The following SCAMP1 variants were observed in gnomAD, a reference collection of about 807,000 sequenced individuals.
SCAMP1 encodes secretory carrier-associated membrane protein 1.
A neutral mutation model predicts 41.8 loss-of-function variants in SCAMP1; 15 were observed. The ratio of observed to expected loss-of-function variants is 0.36; its 90% CI spans 0.24 to 0.55. SCAMP1 has a LOEUF of 0.55. Ranked by LOEUF, SCAMP1 falls within the 20% of genes least tolerant of loss-of-function variation. The probability of loss-of-function intolerance (pLI) is 0.86; values close to 1 mark genes in which losing one functional copy is unlikely to be tolerated. For missense variants in SCAMP1, 341 were observed against 412.6 expected, an observed-to-expected ratio of 0.83 and a Z score of 1.50; for synonymous variants, 135 against 136.8, an observed-to-expected ratio of 0.99 and a Z score of 0.09.
chr5:78,430,495 G>A (rs759787775), intron 6 of SCAMP1, among the ~76,000 whole-genome samples: 1 of 151,396 alleles, frequency 6.6e-6, no homozygotes, highest in Non-Finnish European at 1.5e-5. Flanking sequence ...TATATAACCA[G>A]AAAAAGAGAT....
In SCAMP1 at chr5:78,460,800, C is replaced by CTTTCTTT. The variant is rs1429793822; in HGVS notation, c.852+1438_852+1439insTTTCTTT. Among the ~76,000 whole-genome samples the CTTTCTTT allele has an allele frequency of 4.1e-3, 140 of 34,226 alleles. 11 individuals are homozygous for CTTTCTTT. Among genetic ancestry groups the CTTTCTTT allele is most frequent in the Middle Eastern group, 0.043 (2 of 46 alleles). 22.5% of individuals were successfully genotyped at this position (34,226 alleles called of 152,430 possible). A position where few individuals can be genotyped will look rare whatever the true frequency, so the allele number is the denominator to read the frequency against. Reference sequence around the variant, plus strand: ...TCCTTCCTTCCTTCCTTCCTTCCTTCCTTCCTCCCTTCCTTCCTTCCTTTC... The same window carrying CTTTCTTT: ...TCCTTCCTTCCTTCCTTCCTTCCTTCTTTCTTTCTTCCTCCCTTCCTTCCTTCCTTTC... On this transcript the variant is annotated intron_variant, in intron 8 of 8. Transcript: ENST00000621999.
At chr5:78,391,292 C>A (rs1156733677) in intron 2 of SCAMP1, among the ~76,000 whole-genome samples, 1 of 149,792 alleles carries the variant, frequency 6.7e-6, no homozygotes. Context: ...CTGACCCCCC[C>A]ACCTCCCTCC....
intron 1 of SCAMP1, among the ~76,000 whole-genome samples, chr5:78,383,443 C>T (rs1262154421): frequency 6.6e-6 from 1 of 151,996 alleles, no homozygotes; most frequent in Non-Finnish European, 1.5e-5. Context: ...TAATTAAGTC[C>T]CATCTATTAT....
intron 1 of SCAMP1, among the ~76,000 whole-genome samples, chr5:78,374,058 C>T (rs1025411476): frequency 5.9e-5 from 9 of 151,898 alleles, no homozygotes; most frequent in East Asian, 1.9e-4. Context: ...TATTTAGTAA[C>T]GTATATGAAA....
intron 6 of SCAMP1, among the ~76,000 whole-genome samples, chr5:78,442,554 C>T (rs577630169): frequency 7.9e-5 from 12 of 152,300 alleles, no homozygotes; most frequent in South Asian, 2.1e-4. Flanking sequence ...CCACCGCGCC[C>T]GGCTGAGTTT....
chr5:78,473,439 G>A (rs1753933052), intron 8 of SCAMP1, among the ~76,000 whole-genome samples: 2 of 152,072 alleles, frequency 1.3e-5, no homozygotes, highest in African/African-American at 4.8e-5. Context: ...CTTTCTTCTT[G>A]TGGATGCCTC....
At chr5:78,384,485 T>G (rs1251977307) in intron 1 of SCAMP1, among the ~76,000 whole-genome samples, 1 of 152,100 alleles carries the variant, frequency 6.6e-6, no homozygotes. Flanking sequence ...GGACTTCCAG[T>G]ACGGTGTAGA....
intron 2 of SCAMP1, among the ~76,000 whole-genome samples, chr5:78,392,101 A>T (rs1211833990): frequency 2.0e-5 from 3 of 151,686 alleles, no homozygotes; most frequent in Non-Finnish European, 2.9e-5. Context: ...GAGAGCGAAA[A>T]GAGATTTTTA....
intron 2 of SCAMP1, among the ~76,000 whole-genome samples, chr5:78,400,237 C>G (rs1394337516): frequency 6.6e-6 from 1 of 152,156 alleles, no homozygotes; most frequent in African/African-American, 2.4e-5. Flanking sequence ...TTTTTCTAAT[C>G]TTTTGTCAAT....
chr5:78,419,082 T>C (rs1455638241), intron 5 of SCAMP1, among the ~76,000 whole-genome samples, 179 bp downstream of exon 5: 1 of 152,224 alleles, frequency 6.6e-6, no homozygotes, highest in Non-Finnish European at 1.5e-5. Context: ...GTACTATATG[T>C]GACAATGTAA....
chr5:78,435,029 A>T (rs866401814), intron 6 of SCAMP1, among the ~76,000 whole-genome samples: 1 of 152,230 alleles, frequency 6.6e-6, no homozygotes, highest in African/African-American at 2.4e-5. Context: ...GGTATGTCAG[A>T]AACATGTATG....
rs576119339 is a variant in SCAMP1 at position 78,479,311 on chromosome 5, A to G, written c.*3643A>G. Among the ~76,000 whole-genome samples the G allele has an allele frequency of 5.1e-4, 77 of 152,236 alleles. No individual in the cohort carries two copies. The highest frequency in any genetic ancestry group is 9.4e-4 in the Non-Finnish European group (64 of 68,038). On this transcript the variant is annotated 3_prime_UTR_variant, in exon 9 of 9. Transcript: ENST00000621999. ...TTTAAAAAAATTGAGGATGGTTAAAAAATAGAAAACACCTTACTTTGATAC... is the reference window on the plus strand; with the variant it reads ...TTTAAAAAAATTGAGGATGGTTAAAGAATAGAAAACACCTTACTTTGATAC...
At chr5:78,418,323 C>T (rs1453209139) in intron 4 of SCAMP1, among the ~76,000 whole-genome samples, 1 of 152,124 alleles carries the variant, frequency 6.6e-6, no homozygotes, top group East Asian at 1.9e-4. Flanking sequence ...GCTAGTCTTT[C>T]TCCACTTGAG....
chr5:78,387,649 C>G (rs1490834756), intron 1 of SCAMP1, among the ~76,000 whole-genome samples: 1 of 152,156 alleles, frequency 6.6e-6, no homozygotes, highest in Admixed American at 6.6e-5. Context: ...CCACGGGGTG[C>G]TCCCTTGATG....
At chr5:78,407,662 T>A (rs1751966996) in intron 2 of SCAMP1, among the ~76,000 whole-genome samples, 1 of 151,862 alleles carries the variant, frequency 6.6e-6, no homozygotes, top group Non-Finnish European at 1.5e-5. Flanking sequence ...CTCTTAATTG[T>A]ATGTTAGACC....
chr5:78,475,423 A>G, intron 8 of SCAMP1, 81 bp from the exon 9 acceptor site: 1 of 1,022,568 alleles, frequency 9.8e-7, no homozygotes, highest in Non-Finnish European at 1.4e-6. Flanking sequence ...TTTATGTTTG[A>G]TTAATGTTGA....
In SCAMP1 at chr5:78,460,807, C is replaced by CTTTTCTCCTTCCTTCCTT. The variant is rs1561287206; in HGVS notation, c.852+1445_852+1446insTTTTCTCCTTCCTTCCTT. On this transcript the variant is annotated intron_variant, in intron 8 of 8. Transcript: ENST00000621999. The stretch of plus-strand genomic sequence containing the variant: ...TTCCTTCCTTCCTTCCTTCCTTCCT[C>CTTTTCTCCTTCCTTCCTT]CCTTCCTTCCTTCCTTTCTTGTCTT... Among the ~76,000 whole-genome samples, 2 of 26,646 alleles carry CTTTTCTCCTTCCTTCCTT rather than the reference C, an allele frequency of 7.5e-5. 1 individual carries two copies. The highest frequency in any genetic ancestry group is 2.1e-4 in the African/African-American group (2 of 9,602). 17.5% of individuals were successfully genotyped at this position (26,646 alleles called of 152,430 possible). A position where few individuals can be genotyped will look rare whatever the true frequency, so the allele number is the denominator to read the frequency against.
chr5:78,369,547 A>G (rs375055190), intron 1 of SCAMP1, among the ~76,000 whole-genome samples: 1 of 152,254 alleles, frequency 6.6e-6, no homozygotes, highest in African/African-American at 2.4e-5. Flanking sequence ...AAAGTTTGCA[A>G]TATTGCGAAT....
At chr5:78,470,735 T>G (rs1023349354) in intron 8 of SCAMP1, among the ~76,000 whole-genome samples, 1 of 152,170 alleles carries the variant, frequency 6.6e-6, no homozygotes, top group Non-Finnish European at 1.5e-5. Context: ...TTGAGGCACC[T>G]CCAAACTCTT....
Sources: gnomAD v4.1 joint callset for allele counts (sites outside exome capture counted in the v4.1 genomes callset) on GRCh38, gnomAD v4.1.1 for gene constraint, MANE v1.5 for transcripts, NCBI Gene and HGNC (gene_info 2026-07-23, HGNC 2026-07-21) for gene names.